The following MLLT10 variants were observed in gnomAD, a reference collection of about 807,000 sequenced individuals.
MLLT10 encodes the protein protein AF-10.
Under a neutral mutation model 129.1 loss-of-function variants are expected in MLLT10, and 30 were observed. That is an observed-to-expected ratio of 0.23 (90% CI 0.17 to 0.32). The LOEUF is 0.32. Among genes scored for constraint, MLLT10 ranks in the 10% least tolerant of loss-of-function variants. The probability of loss-of-function intolerance (pLI) is 1.00; values close to 1 mark genes in which losing one functional copy is unlikely to be tolerated. For synonymous variants in MLLT10, 490 were observed against 446.4 expected, an observed-to-expected ratio of 1.10 and a Z score of -1.23; for missense variants, 1,119 against 1,268.3, an observed-to-expected ratio of 0.88 and a Z score of 1.79.
chr10:21,559,334 T>G (rs1588933306), intron 3 of MLLT10, among the ~76,000 whole-genome samples: 1 of 152,310 alleles, frequency 6.6e-6, no homozygotes, highest in South Asian at 2.1e-4. Flanking sequence ...CGCCTTGGCC[T>G]CACAAAGTGC....
chr10:21,553,053 C>G (rs2130958919), intron 3 of MLLT10, among the ~76,000 whole-genome samples: 1 of 152,138 alleles, frequency 6.6e-6, no homozygotes, highest in South Asian at 2.1e-4. Context: ...TTTCTTCTTG[C>G]TTATATTGGA....
At chr10:21,605,768 T>G (rs1257743281) in intron 5 of MLLT10, among the ~76,000 whole-genome samples, 2 of 152,220 alleles carry the variant, frequency 1.3e-5, no homozygotes, top group Non-Finnish European at 2.9e-5. Context: ...TTTCTTGGGT[T>G]ATTTTCTTAG....
chr10:21,664,089 TA>T (rs2050493292), intron 9 of MLLT10, among the ~76,000 whole-genome samples: 2 of 152,152 alleles, frequency 1.3e-5, no homozygotes, highest in African/African-American at 4.8e-5. Context: ...TTTATTTAGT[TA>T]AAAAATGCTT....
intron 8 of MLLT10, among the ~76,000 whole-genome samples, chr10:21,617,950 G>T (rs1014406861): frequency 2.0e-5 from 3 of 152,102 alleles, no homozygotes; most frequent in Admixed American, 6.5e-5. Flanking sequence ...TTGAGTGGAG[G>T]CTGTAGTGTG....
chr10:21,695,293 C>T (rs1018476512), intron 13 of MLLT10, among the ~76,000 whole-genome samples: 4 of 152,088 alleles, frequency 2.6e-5, no homozygotes, highest in Non-Finnish European at 5.9e-5. Flanking sequence ...CTGCACTCAG[C>T]CCCTCTTCTG....
Position 21,670,469 on chromosome 10 carries a change from C to A in MLLT10, c.816C>A (p.Asn272Lys). 3.1e-6 allele frequency: 5 copies of A among 1,612,150 alleles called. No homozygotes were observed. The highest frequency in any genetic ancestry group is 4.2e-6 in the Non-Finnish European group (5 of 1,179,446). The change falls in exon 10 of 23, where the codon AAC becomes AAA. Residue 272 changes from asparagine (N) to lysine (K), a missense_variant. Asn to Lys is a moderately conservative substitution (Grantham distance 94). Around this residue, in one of 5 missense-constraint regions of MLLT10, gnomAD observed 1,004 missense variants for 1,008.7 expected, o/e 1.00. Coordinates refer to ENST00000307729, the MANE Select transcript of MLLT10 (RefSeq NM_001195626.3). ...TTEKTYTSTS[N>K]NSISGSLKRL... Reference sequence around the variant, plus strand: ...GTTAGACTTATACAAGCACTAGCAACAACTCTATATCTGGATCATTGAAGC... The same window carrying A: ...GTTAGACTTATACAAGCACTAGCAAAAACTCTATATCTGGATCATTGAAGC...
chr10:21,611,719 T>G (rs2044674174), intron 5 of MLLT10, among the ~76,000 whole-genome samples: 1 of 152,196 alleles, frequency 6.6e-6, no homozygotes, highest in Non-Finnish European at 1.5e-5. Context: ...CAGTCAAAGT[T>G]TCTCGGGGTG....
At chr10:21,557,955 T>TC (rs2038272033) in intron 3 of MLLT10, 1 of 143,142 alleles carries the variant, frequency 7.0e-6, no homozygotes, top group Admixed American at 6.9e-5. Flanking sequence ...TTTCTTTTTT[T>TC]TTTTTTTTTT....
rs774474484 is a variant in MLLT10 at position 21,617,138 on chromosome 10, G to A, written c.630G>A (p.Arg210=). The change falls in exon 8 of 23, where the codon AGG becomes AGA. Residue 210 remains arginine, a synonymous_variant. Coordinates refer to ENST00000307729, the MANE Select transcript of MLLT10 (RefSeq NM_001195626.3). ...AAAAGAGCAAACGGGGATCTAATAG[G>A]TCATATGATCAAAGTTTAAGTGATT... ...KLKKSKRGSN[R]SYDQSLSDSS... The A allele has an allele frequency of 2.0e-5, 31 of 1,532,870 alleles. No individual in the cohort carries two copies. Among genetic ancestry groups the A allele is most frequent in the Non-Finnish European group, 2.6e-5 (29 of 1,135,210 alleles). The allele number at this position is 1,532,870 out of a possible 1,614,324, so 95.0% of individuals were successfully genotyped here.
chr10:21,620,940 C>T (rs1311890582), intron 8 of MLLT10, among the ~76,000 whole-genome samples: 1 of 151,164 alleles, frequency 6.6e-6, no homozygotes, highest in African/African-American at 2.4e-5. Flanking sequence ...GCCTTGGCCT[C>T]CTAAAGTGCT....
chr10:21,690,014 G>A (rs566980164), intron 13 of MLLT10, among the ~76,000 whole-genome samples: 119 of 152,100 alleles, frequency 7.8e-4, no homozygotes, highest in African/African-American at 2.6e-3. Flanking sequence ...CAATATTTAG[G>A]TAGAGATGTT....
chr10:21,569,143 G>A (rs1434286150), intron 3 of MLLT10, among the ~76,000 whole-genome samples: 2 of 152,106 alleles, frequency 1.3e-5, no homozygotes, highest in Non-Finnish European at 2.9e-5. Context: ...AACAGAATGC[G>A]TATTCTGGTA....
chr10:21,671,824 C>G (rs1483134433), intron 10 of MLLT10, among the ~76,000 whole-genome samples: 1 of 152,008 alleles, frequency 6.6e-6, no homozygotes, highest in Non-Finnish European at 1.5e-5. Flanking sequence ...TTGGTGATGT[C>G]TGCCTGTGGC....
At chr10:21,658,042 T>C (rs1194543506) in intron 9 of MLLT10, among the ~76,000 whole-genome samples, 1 of 152,166 alleles carries the variant, frequency 6.6e-6, no homozygotes, top group East Asian at 1.9e-4. Context: ...TATTTAAAAG[T>C]TAAGCTTTTT....
chr10:21,641,512 C>G (rs1296351366), intron 8 of MLLT10, among the ~76,000 whole-genome samples: 2 of 152,072 alleles, frequency 1.3e-5, no homozygotes, highest in Non-Finnish European at 2.9e-5. Context: ...CAAAACATAG[C>G]TGAATGTGTG....
intron 9 of MLLT10, among the ~76,000 whole-genome samples, chr10:21,653,499 G>C (rs1039957126): frequency 2.0e-5 from 3 of 151,278 alleles, no homozygotes; most frequent in African/African-American, 7.3e-5. Flanking sequence ...ATTTTTTTTT[G>C]CATCTCTTTT....
Position 21,726,323 on chromosome 10 carries a change from C to T in MLLT10, c.1958C>T (p.Ala653Val). ...AATAGATCAAATTCATCAATGGCAG[C>T]TCTTATAGCTCAGTCTGAAAACAAT... ...YGNRSNSSMA[A>V]LIAQSENNQT... Residue 653 changes from alanine to valine, a missense_variant, in exon 15 of 23, where the codon GCT becomes GTT. Around this residue, in one of 5 missense-constraint regions of MLLT10, gnomAD observed 1,004 missense variants for 1,008.7 expected, o/e 1.00. Coordinates refer to ENST00000307729, the MANE Select transcript of MLLT10 (RefSeq NM_001195626.3). 6.2e-7 allele frequency: 1 copy of T among 1,612,468 alleles called. No individual in the cohort carries two copies. The highest frequency in any genetic ancestry group is 1.3e-5 in the African/African-American group (1 of 74,992).
chr10:21,711,674 G>A (rs2056102326), intron 13 of MLLT10, among the ~76,000 whole-genome samples: 1 of 152,018 alleles, frequency 6.6e-6, no homozygotes, highest in East Asian at 1.9e-4. Context: ...TGGCCCAGGA[G>A]GTCAAGGCTG....
chr10:21,649,331 C>G (rs1424767640), intron 8 of MLLT10, among the ~76,000 whole-genome samples: 1 of 152,194 alleles, frequency 6.6e-6, no homozygotes, highest in Non-Finnish European at 1.5e-5. Context: ...CCTGCCTTGG[C>G]TTCCCAAAGT....
Sources: gnomAD v4.1 joint callset for allele counts (sites outside exome capture counted in the v4.1 genomes callset) on GRCh38, gnomAD v4.1.1 for gene constraint, gnomAD v4.1.1 regional missense constraint, MANE v1.5 for transcripts, NCBI Gene and HGNC (gene_info 2026-07-23, HGNC 2026-07-21) for gene names.